SLC24A2: variants seen among roughly 807,000 people sequenced by gnomAD.
The protein encoded by SLC24A2 is solute carrier family 24 member 2.
In SLC24A2, 36 loss-of-function variants were observed where a neutral mutation model predicts 62.0. That is an observed-to-expected ratio of 0.58 (90% CI 0.44 to 0.77). The LOEUF is 0.77. SLC24A2 is among the 30% of genes least tolerant of loss of function. SLC24A2 has a pLI of 0.00. For missense variants in SLC24A2, 846 were observed against 817.9 expected, an observed-to-expected ratio of 1.03 and a Z score of -0.42; for synonymous variants, 358 against 294.0, an observed-to-expected ratio of 1.22 and a Z score of -2.23.
At chr9:19,677,840 T>C (rs1273387781) in intron 2 of SLC24A2, among the ~76,000 whole-genome samples, 1 of 149,900 alleles carries the variant, frequency 6.7e-6, no homozygotes, top group Non-Finnish European at 1.5e-5. Flanking sequence ...CATATACATT[T>C]ATTATATACT....
the SLC24A2 span, among the ~76,000 whole-genome samples, chr9:19,875,543 A>T: frequency 6.6e-6 from 1 of 152,302 alleles, no homozygotes; most frequent in East Asian, 1.9e-4. Flanking sequence ...TGTGAGCGGA[A>T]TATCAAGATT....
intron 2 of SLC24A2, among the ~76,000 whole-genome samples, chr9:19,781,231 T>C (rs1823011184): frequency 6.6e-6 from 1 of 152,152 alleles, no homozygotes; most frequent in African/African-American, 2.4e-5. Flanking sequence ...GTGTCCCCAG[T>C]AGCAAGAGAA....
At chr9:19,927,792 G>A in the SLC24A2 span, 9 of 152,216 alleles carry the variant, frequency 5.9e-5, no homozygotes, top group Admixed American at 5.9e-4. Context: ...TCAGGTTGAT[G>A]TGAAATCCAA....
intron 5 of SLC24A2, among the ~76,000 whole-genome samples, chr9:19,596,099 C>G (rs1460554081): frequency 6.6e-6 from 1 of 152,080 alleles, no homozygotes; most frequent in Non-Finnish European, 1.5e-5. Flanking sequence ...AAGAGAAGGG[C>G]CTAGGTGTTG....
the SLC24A2 span, among the ~76,000 whole-genome samples, chr9:19,870,073 G>C: frequency 6.6e-6 from 1 of 152,044 alleles, no homozygotes; most frequent in African/African-American, 2.4e-5. Flanking sequence ...TTACAATTCA[G>C]TCTTTTTTTA....
the SLC24A2 span, among the ~76,000 whole-genome samples, chr9:20,252,116 T>G: frequency 6.6e-6 from 1 of 152,138 alleles, no homozygotes; most frequent in South Asian, 2.1e-4. Context: ...CCACAAAGAC[T>G]ACAAGACAAT....
At chr9:19,558,055 G>C (rs1835186088) in intron 7 of SLC24A2, among the ~76,000 whole-genome samples, 2 of 152,054 alleles carry the variant, frequency 1.3e-5, no homozygotes, top group African/African-American at 4.8e-5. Flanking sequence ...CTCCTGCCTT[G>C]GCCTCCCAAA....
At chr9:19,541,606 C>G (rs1199483277) in intron 8 of SLC24A2, among the ~76,000 whole-genome samples, 2 of 147,426 alleles carry the variant, frequency 1.4e-5, no homozygotes, top group African/African-American at 2.5e-5. Flanking sequence ...CTGCTCTCTT[C>G]AAAGCTGTCA....
the SLC24A2 span, among the ~76,000 whole-genome samples, chr9:20,246,268 C>T: frequency 7.2e-5 from 11 of 152,156 alleles, no homozygotes; most frequent in Non-Finnish European, 1.6e-4. Flanking sequence ...ATTTATGGAG[C>T]ACTCACATGT....
chr9:19,772,915 A>G (rs2118898980), intron 2 of SLC24A2, among the ~76,000 whole-genome samples: 1 of 152,332 alleles, frequency 6.6e-6, no homozygotes, highest in Non-Finnish European at 1.5e-5. Flanking sequence ...CATTATTCCT[A>G]ATACCCAAAA....
At chr9:20,243,398 G>A in the SLC24A2 span, among the ~76,000 whole-genome samples, 2 of 152,132 alleles carry the variant, frequency 1.3e-5, no homozygotes, top group East Asian at 1.9e-4. Flanking sequence ...CACATGCAAT[G>A]AGGTGTTATT....
chr9:19,777,717 G>A (rs1198659795), intron 2 of SLC24A2, among the ~76,000 whole-genome samples: 1 of 152,032 alleles, frequency 6.6e-6, no homozygotes, highest in African/African-American at 2.4e-5. Context: ...ATATGTCTAT[G>A]TACATATGCA....
At chr9:20,096,389 C>T in the SLC24A2 span, among the ~76,000 whole-genome samples, 1 of 152,138 alleles carries the variant, frequency 6.6e-6, no homozygotes, top group African/African-American at 2.4e-5. Flanking sequence ...CCTATAGGGA[C>T]ACTAATTATC....
the SLC24A2 span, among the ~76,000 whole-genome samples, chr9:20,104,829 G>A: frequency 3.3e-5 from 5 of 152,130 alleles, no homozygotes; most frequent in African/African-American, 1.2e-4. Context: ...ATAATGACAG[G>A]ATCAAACTCA....
the SLC24A2 span, among the ~76,000 whole-genome samples, chr9:19,965,594 T>A: frequency 6.6e-6 from 1 of 152,200 alleles, no homozygotes; most frequent in Non-Finnish European, 1.5e-5. Context: ...GGTGACTCAA[T>A]TCAGTGAAAT....
At chr9:20,157,440 T>C in the SLC24A2 span, among the ~76,000 whole-genome samples, 3,171 of 151,722 alleles carry the variant, frequency 0.021, 43 homozygotes, top group Middle Eastern at 0.058. Context: ...AACAGGGGAA[T>C]TGAACAGAAT....
intron 2 of SLC24A2, among the ~76,000 whole-genome samples, chr9:19,736,122 A>G (rs78014472): frequency 0.043 from 6,563 of 152,272 alleles, 335 homozygotes; most frequent in African/African-American, 0.11. Flanking sequence ...AAAAGTACTC[A>G]TTTATATTGG....
At chr9:20,100,994 C>T in the SLC24A2 span, among the ~76,000 whole-genome samples, 1 of 152,188 alleles carries the variant, frequency 6.6e-6, no homozygotes, top group Non-Finnish European at 1.5e-5. Flanking sequence ...CAAGGCTAAC[C>T]TTCCTTGAAA....
At chr9:19,580,913 G>A (rs1836186274) in intron 5 of SLC24A2, among the ~76,000 whole-genome samples, 1 of 152,196 alleles carries the variant, frequency 6.6e-6, no homozygotes, top group South Asian at 2.1e-4. Context: ...TTGGGGAAGA[G>A]GGGCTCATTT....
Sources: gnomAD v4.1 joint callset for allele counts (sites outside exome capture counted in the v4.1 genomes callset) on GRCh38, gnomAD v4.1.1 for gene constraint, MANE v1.5 for transcripts, NCBI Gene and HGNC (gene_info 2026-07-23, HGNC 2026-07-21) for gene names.